NRDC: variants seen among roughly 807,000 people sequenced by gnomAD.
The protein encoded by NRDC is nardilysin.
Under a neutral mutation model 147.1 loss-of-function variants are expected in NRDC, and 54 were observed. That is an observed-to-expected ratio of 0.37 (90% CI 0.29 to 0.46). The LOEUF (loss-of-function observed/expected upper bound fraction) is 0.46, where lower values mean the gene tolerates loss of function less well. Among genes scored for constraint, NRDC ranks in the 20% least tolerant of loss-of-function variants. The pLI is 1.00. For synonymous variants in NRDC, 440 were observed against 482.1 expected, an observed-to-expected ratio of 0.91 and a Z score of 1.14; for missense variants, 1,082 against 1,370.6, an observed-to-expected ratio of 0.79 and a Z score of 3.33.
At chr1:51,876,563 C>A (rs749149960) in intron 1 of NRDC, among the ~76,000 whole-genome samples, 8 of 152,184 alleles carry the variant, frequency 5.3e-5, no homozygotes, top group Non-Finnish European at 8.8e-5. Flanking sequence ...TGTTGGCGCT[C>A]ATAAAGTTTT....
Position 51,840,752 on chromosome 1 carries a change from T to C in NRDC, c.342-238A>G, listed in dbSNP as rs935380521. 7.2e-5 allele frequency among the ~76,000 whole-genome samples: 11 copies of C among 152,356 alleles called. No individual in the cohort carries two copies. The East Asian group carries it at 1.9e-3, about 27-fold the overall frequency. On this transcript the variant is annotated intron_variant, in intron 1 of 30. Coordinates refer to ENST00000352171, the MANE Select transcript of NRDC (RefSeq NM_001101662.2). Reference sequence around the variant, plus strand: ...AGAACACTTCATAATATACGCTGTTTGTATTTTTAAATTTTGAACTACATA... The same window carrying C: ...AGAACACTTCATAATATACGCTGTTCGTATTTTTAAATTTTGAACTACATA...
intron 20 of NRDC, among the ~76,000 whole-genome samples, chr1:51,802,729 G>A (rs977738279): frequency 2.8e-4 from 43 of 152,320 alleles, no homozygotes; most frequent in Admixed American, 7.2e-4. Context: ...AAAAAGGTGA[G>A]AGCTATACTC....
At chr1:51,790,177 C>T (rs2149181598) in intron 29 of NRDC, among the ~76,000 whole-genome samples, 1 of 152,294 alleles carries the variant, frequency 6.6e-6, no homozygotes, top group Non-Finnish European at 1.5e-5. Context: ...TAGAAGTTGT[C>T]AAAACACATG....
intron 1 of NRDC, among the ~76,000 whole-genome samples, chr1:51,850,655 T>A (rs1681903188): frequency 2.0e-5 from 3 of 152,146 alleles, no homozygotes; most frequent in Admixed American, 2.0e-4. Context: ...AAAGATAACA[T>A]CTCAACATCT....
At chr1:51,800,449 G>A (rs1571844917) in intron 21 of NRDC, 107 bp downstream of exon 21, 9 of 1,252,922 alleles carry the variant, frequency 7.2e-6, no homozygotes, top group South Asian at 2.9e-5. Flanking sequence ...ATTCAAACAC[G>A]GATGAAAATT....
intron 1 of NRDC, among the ~76,000 whole-genome samples, chr1:51,863,987 T>C (rs1043161758): frequency 2.0e-4 from 30 of 152,358 alleles, no homozygotes; most frequent in African/African-American, 6.7e-4. Flanking sequence ...AATGCTTACA[T>C]AGCCTACAGT....
chr1:51,846,157 G>A (rs900728638), intron 1 of NRDC, among the ~76,000 whole-genome samples: 8 of 151,978 alleles, frequency 5.3e-5, no homozygotes, highest in African/African-American at 1.9e-4. Flanking sequence ...TGACGCCCAG[G>A]TTGGAGTGCA....
At chr1:51,821,736 C>G (rs1447027361) in intron 7 of NRDC, among the ~76,000 whole-genome samples, 181 bp from the exon 8 acceptor site, 1 of 152,108 alleles carries the variant, frequency 6.6e-6, no homozygotes, top group Non-Finnish European at 1.5e-5. Flanking sequence ...GAAAAGAAAA[C>G]CTTACGACAC....
intron 14 of NRDC, 42 bp from the exon 15 acceptor site, chr1:51,812,140 A>G (rs374048013): frequency 7.6e-7 from 1 of 1,317,814 alleles, no homozygotes; most frequent in Non-Finnish European, 1.1e-6. Flanking sequence ...CTTCTCCATT[A>G]TTATATTTGA....
intron 4 of NRDC, among the ~76,000 whole-genome samples, chr1:51,831,711 TG>T (rs1031697833): frequency 6.6e-6 from 1 of 151,486 alleles, no homozygotes; most frequent in Non-Finnish European, 1.5e-5. Flanking sequence ...CCCAAGCAGC[TG>T]GGATTACAGG....
chr1:51,835,052 G>C (rs1243236672), intron 3 of NRDC, among the ~76,000 whole-genome samples: 1 of 151,960 alleles, frequency 6.6e-6, no homozygotes, highest in East Asian at 1.9e-4. Flanking sequence ...CATCCACATA[G>C]AGTTTTTTTG....
chr1:51,840,975 ACTG>A (rs1681241002), intron 1 of NRDC, among the ~76,000 whole-genome samples: 2 of 152,162 alleles, frequency 1.3e-5, no homozygotes, highest in Non-Finnish European at 1.5e-5. Flanking sequence ...ACAAAATTAA[ACTG>A]CTGATTTTCT....
At chr1:51,831,839 A>C (rs1473682537) in intron 4 of NRDC, among the ~76,000 whole-genome samples, 3 of 151,794 alleles carry the variant, frequency 2.0e-5, no homozygotes, top group Non-Finnish European at 2.9e-5. Context: ...TTGGCCTCCC[A>C]AAGTGCTGGA....
At chr1:51,851,521 G>C (rs998387974) in intron 1 of NRDC, among the ~76,000 whole-genome samples, 1 of 150,838 alleles carries the variant, frequency 6.6e-6, no homozygotes, top group African/African-American at 2.4e-5. Flanking sequence ...TGCAGAATTG[G>C]GCCATTTTTA....
chr1:51,878,431 C>G lies in NRDC; in HGVS notation c.185G>C (p.Cys62Ser). 1.2e-6 allele frequency: 2 copies of G among 1,614,120 alleles called. No individual in the cohort carries two copies. The highest frequency in any genetic ancestry group is 1.7e-6 in the Non-Finnish European group (2 of 1,180,044). Residue 62 changes from cysteine (C) to serine (S), a missense_variant, in exon 1 of 31, where the codon TGC (cysteine) becomes TCC (serine). Cys to Ser is a moderately radical substitution (Grantham distance 112). This residue lies in a region of NRDC where 260 missense variants were observed against 253.2 expected (regional missense o/e 1.03). Transcript: ENST00000352171. Reference protein sequence around the residue: ...GRNKAKSTCSCPDLQPNGQDL... With the variant: ...GRNKAKSTCSSPDLQPNGQDL... ...CTGTCCATTGGGCTGCAGGTCAGGG[C>G]AGCTGCAGGTAGACTTCGCCTTGTT...
intron 1 of NRDC, 151 bp from the exon 2 acceptor site, chr1:51,840,665 G>A: frequency 1.6e-6 from 1 of 610,314 alleles, no homozygotes; most frequent in South Asian, 2.4e-5. Context: ...AAAATTGGTT[G>A]CTCTGGAGAG....
At chr1:51,810,133 G>T in intron 16 of NRDC, 148 bp downstream of exon 16, 2 of 471,010 alleles carry the variant, frequency 4.2e-6, no homozygotes, top group Non-Finnish European at 7.2e-6. Context: ...AACTTCCTGT[G>T]CAGTAGTATA....
At chr1:51,823,014 A>G (rs1232708765) in intron 7 of NRDC, among the ~76,000 whole-genome samples, 1 of 152,236 alleles carries the variant, frequency 6.6e-6, no homozygotes, top group Non-Finnish European at 1.5e-5. Flanking sequence ...TTAGCAATTT[A>G]CTAACTTTGA....
At chr1:51,821,095 C>T (rs1394663657) in intron 8 of NRDC, among the ~76,000 whole-genome samples, 1 of 151,926 alleles carries the variant, frequency 6.6e-6, no homozygotes, top group African/African-American at 2.4e-5. Flanking sequence ...TGGGGAAAAC[C>T]AGTGCAATAT....
Sources: allele counts gnomAD v4.1 joint callset (sites outside exome capture counted in the v4.1 genomes callset), GRCh38; gene constraint gnomAD v4.1.1; regional missense constraint gnomAD v4.1.1; transcripts MANE v1.5; gene names NCBI Gene and HGNC (gene_info 2026-07-23, HGNC 2026-07-21).